The following STX8 variants were observed in gnomAD, a reference collection of about 807,000 sequenced individuals.
STX8 encodes syntaxin 8, also known as syntaxin-8.
STX8 carries 23 observed loss-of-function variants against 37.5 expected under a neutral mutation model. The ratio of observed to expected loss-of-function variants is 0.61; its 90% CI spans 0.44 to 0.87. The LOEUF (loss-of-function observed/expected upper bound fraction) is 0.87, where lower values mean the gene tolerates loss of function less well. Among genes scored for constraint, STX8 ranks in the 40% least tolerant of loss-of-function variants. The probability of loss-of-function intolerance (pLI) is 0.00; values close to 1 mark genes in which losing one functional copy is unlikely to be tolerated. For synonymous variants in STX8, 115 were observed against 99.1 expected, an observed-to-expected ratio of 1.16 and a Z score of -0.95; for missense variants, 313 against 284.7, an observed-to-expected ratio of 1.10 and a Z score of -0.71.
At chr17:9,280,581 A>G (rs1222694663) in intron 7 of STX8, among the ~76,000 whole-genome samples, 1 of 152,148 alleles carries the variant, frequency 6.6e-6, no homozygotes, top group East Asian at 1.9e-4. Flanking sequence ...TTAAAAACTA[A>G]TGAACAGAGA....
intron 7 of STX8, among the ~76,000 whole-genome samples, chr17:9,288,196 A>C (rs77958455): frequency 6.6e-6 from 1 of 151,300 alleles, no homozygotes; most frequent in African/African-American, 2.4e-5. Context: ...AAAAAAAAAA[A>C]CAGAAAAAGG....
chr17:9,514,528 C>T (rs1644185089), intron 4 of STX8, among the ~76,000 whole-genome samples: 1 of 152,148 alleles, frequency 6.6e-6, no homozygotes, highest in African/African-American at 2.4e-5. Flanking sequence ...ATTGCTTGAA[C>T]TCAGGAGGCG....
At chr17:9,487,577 A>G (rs527336932) in intron 6 of STX8, among the ~76,000 whole-genome samples, 1 of 152,332 alleles carries the variant, frequency 6.6e-6, no homozygotes, top group African/African-American at 2.4e-5. Flanking sequence ...AAATGTTCAC[A>G]TTAGAAAACC....
At chr17:9,320,247 C>T (rs1049365079) in intron 7 of STX8, among the ~76,000 whole-genome samples, 3 of 151,044 alleles carry the variant, frequency 2.0e-5, no homozygotes, top group East Asian at 2.0e-4. Flanking sequence ...GCAGGAGAAT[C>T]GCTTGAACCC....
At chr17:9,553,139 T>C (rs1242375842) in intron 3 of STX8, 2 of 152,200 alleles carry the variant, frequency 1.3e-5, no homozygotes, top group Non-Finnish European at 2.9e-5. Flanking sequence ...TCTTTAGTAC[T>C]ATCTGGAATT....
intron 4 of STX8, among the ~76,000 whole-genome samples, chr17:9,535,984 T>C (rs537228814): frequency 6.6e-6 from 1 of 152,320 alleles, no homozygotes; most frequent in South Asian, 2.1e-4. Context: ...CAGAATGCTA[T>C]GTATGATATG....
intron 3 of STX8, among the ~76,000 whole-genome samples, chr17:9,556,409 G>A (rs917796119): frequency 1.3e-5 from 2 of 151,964 alleles, no homozygotes; most frequent in Non-Finnish European, 2.9e-5. Context: ...AACAAGTCAC[G>A]TATATTTTCC....
chr17:9,280,915 C>T (rs543390127), intron 7 of STX8, among the ~76,000 whole-genome samples: 2 of 152,276 alleles, frequency 1.3e-5, no homozygotes, highest in East Asian at 1.9e-4. Flanking sequence ...GTAGGGCACA[C>T]CTCAGTAACA....
chr17:9,406,314 A>G (rs915702897), intron 6 of STX8, among the ~76,000 whole-genome samples: 1 of 152,206 alleles, frequency 6.6e-6, no homozygotes, highest in Non-Finnish European at 1.5e-5. Flanking sequence ...AACACAAAAA[A>G]TAAGAGAGAA....
intron 7 of STX8, among the ~76,000 whole-genome samples, chr17:9,289,805 C>T (rs1908252194): frequency 6.9e-6 from 1 of 144,742 alleles, no homozygotes; most frequent in South Asian, 2.3e-4. Context: ...AAACAAAACA[C>T]ACAAAGGGAA....
chr17:9,446,889 T>C (rs923262334), intron 6 of STX8, among the ~76,000 whole-genome samples: 3 of 152,228 alleles, frequency 2.0e-5, no homozygotes, highest in Non-Finnish European at 4.4e-5. Context: ...TTATGCCACC[T>C]GTATTGCACT....
chr17:9,562,165 A>G (rs937445087), intron 2 of STX8, among the ~76,000 whole-genome samples: 2 of 151,702 alleles, frequency 1.3e-5, no homozygotes, highest in South Asian at 2.1e-4. Context: ...GCACTTTGGG[A>G]GGCTGAGGCA....
At chr17:9,318,967 T>C (rs991606251) in intron 7 of STX8, among the ~76,000 whole-genome samples, 1 of 152,160 alleles carries the variant, frequency 6.6e-6, no homozygotes, top group African/African-American at 2.4e-5. Flanking sequence ...GAAGATAGCA[T>C]GTAGAAGGGA....
intron 7 of STX8, among the ~76,000 whole-genome samples, chr17:9,370,001 G>C (rs1911355530): frequency 6.6e-6 from 1 of 151,498 alleles, no homozygotes; most frequent in Non-Finnish European, 1.5e-5. Flanking sequence ...ATCACTTGAG[G>C]CTGGGGGGTT....
At chr17:9,321,079 T>C (rs1909560383) in intron 7 of STX8, among the ~76,000 whole-genome samples, 1 of 151,862 alleles carries the variant, frequency 6.6e-6, no homozygotes, top group South Asian at 2.1e-4. Context: ...TAATCAGTGA[T>C]ACAGGAAAAG....
intron 7 of STX8, among the ~76,000 whole-genome samples, chr17:9,353,672 TTAG>T (rs1220039235): frequency 9.2e-5 from 14 of 152,340 alleles, no homozygotes; most frequent in African/African-American, 3.4e-4. Context: ...ATAAATCTAC[TTAG>T]TAGAATTCAA....
At chr17:9,429,324 ATAT>A (rs1299208983) in intron 6 of STX8, among the ~76,000 whole-genome samples, 1 of 145,954 alleles carries the variant, frequency 6.9e-6, no homozygotes, top group African/African-American at 2.5e-5. Context: ...TATTTTTATT[ATAT>A]ATTTTATATA....
chr17:9,332,471 C>A (rs1323803376), intron 7 of STX8, among the ~76,000 whole-genome samples: 1 of 152,178 alleles, frequency 6.6e-6, no homozygotes, highest in Non-Finnish European at 1.5e-5. Flanking sequence ...CGGCTTTCTT[C>A]TTCTAGAGAC....
At position 9,368,708 on chromosome 17, in the gene STX8, T is replaced by C. The variant is rs376133544; in HGVS notation, c.643+9844A>G. On this transcript the variant is annotated intron_variant, in intron 7 of 7. Transcript: ENST00000306357. ...TCCTTAAGTGGGACCATAGTATATA[T>C]ACTCCCTGCTTATTTTGGTTTGGCT... is the stretch of plus-strand genomic sequence containing the variant. Among the ~76,000 whole-genome samples the C allele has an allele frequency of 2.6e-5, 4 of 152,226 alleles. No homozygotes were observed. The East Asian group carries it at 5.8e-4, about 22-fold the overall frequency.
Sources: gnomAD v4.1 joint callset for allele counts (sites outside exome capture counted in the v4.1 genomes callset) on GRCh38, gnomAD v4.1.1 for gene constraint, MANE v1.5 for transcripts, NCBI Gene and HGNC (gene_info 2026-07-23, HGNC 2026-07-21) for gene names.